The following CELSR3 variants were observed in gnomAD, a reference collection of about 807,000 sequenced individuals.
The protein encoded by CELSR3 is EGF-like protein 1.
CELSR3 carries 73 observed loss-of-function variants against 270.0 expected under a neutral mutation model. The observed-to-expected ratio is 0.27, with a 90% CI of 0.22 to 0.33. The LOEUF (loss-of-function observed/expected upper bound fraction) is 0.33. Among genes scored for constraint, CELSR3 ranks in the 10% least tolerant of loss-of-function variants. The pLI is 1.00. For synonymous variants in CELSR3, 1,780 were observed against 1,905.4 expected (o/e 0.93, Z 1.71); for missense variants, 3,614 against 4,533.8 (o/e 0.80, Z 5.83).
chr3:48,657,082 C>G lies in CELSR3; in HGVS notation c.4015G>C (p.Gly1339Arg). 2 of 1,613,858 alleles carry G rather than the reference C, an allele frequency of 1.2e-6. No homozygotes were observed. The highest frequency in any genetic ancestry group is 1.1e-5 in the South Asian group (1 of 91,086). The change falls in exon 2 of 35, where the codon GGG (glycine) becomes CGG (arginine). Residue 1339 changes from glycine to arginine, a missense_variant. Transcript: ENST00000164024. The surrounding 1 kb of genome is among the most constrained non-coding windows in gnomAD (Gnocchi z 5.4). ...SFSALAPRGA[G>R]AGAAGPWFSS... ...AACCAGGGCCCTGCAGCGCCCGCCCCGGCCCCACGTGGAGCTAGCGCCGAG... is the reference window on the plus strand; with the variant it reads ...AACCAGGGCCCTGCAGCGCCCGCCCGGGCCCCACGTGGAGCTAGCGCCGAG...
Position 48,653,892 on chromosome 3 carries a change from T to C in CELSR3, c.5264A>G (p.Lys1755Arg). Reference protein sequence around the residue: ...SCDCPVGFGGKDCQLTMAHPH... With the variant: ...SCDCPVGFGGRDCQLTMAHPH... ...TGCCCACTTACTAAGCTGACAGTCTTTGCCGCCGAAGCCCACAGGGCAGTC... is the reference window on the plus strand; with the variant it reads ...TGCCCACTTACTAAGCTGACAGTCTCTGCCGCCGAAGCCCACAGGGCAGTC... The change falls in exon 8 of 35, where the codon AAA becomes AGA. Residue 1755 changes from lysine to arginine, a missense_variant. Lys to Arg is a conservative substitution (Grantham distance 26). This residue lies in a region of CELSR3 where 1,331 missense variants were observed against 1,933.7 expected (regional missense o/e 0.69). Coordinates refer to ENST00000164024, the MANE Select transcript of CELSR3 (RefSeq NM_001407.3). The surrounding 1 kb of genome is among the most constrained non-coding windows in gnomAD (Gnocchi z 6.5). The C allele has an allele frequency of 6.2e-7, 1 of 1,613,734 alleles. No homozygotes were observed. Among genetic ancestry groups the C allele is most frequent in the Non-Finnish European group, 8.5e-7 (1 of 1,179,860 alleles).
rs1274337499 is a variant in CELSR3, at chr3:48,659,140, G to A, written c.3495C>T (p.Asn1165=). 8 of 1,614,240 alleles carry A rather than the reference G, an allele frequency of 5.0e-6. No individual in the cohort carries two copies. The highest frequency in any genetic ancestry group is 6.8e-6 in the Non-Finnish European group (8 of 1,180,040). The part of the protein sequence containing the change: ...VHVRLVDQND[N]SPVLNNFQIL... ...TCTGGAAGTTGTTGAGCACAGGGCTGTTGTCATTCTGGTCAACCAGGCGGA... is the reference window on the plus strand; with the variant it reads ...TCTGGAAGTTGTTGAGCACAGGGCTATTGTCATTCTGGTCAACCAGGCGGA... Residue 1165 remains asparagine, a synonymous_variant, in exon 1 of 35, where the codon AAC becomes AAT. Coordinates refer to ENST00000164024, the MANE Select transcript of CELSR3 (RefSeq NM_001407.3). This position sits in a 1 kb window ranked among gnomAD's most constrained non-coding sequence, Gnocchi z 8.1.
chr3:48,647,708 T>G (rs955076660), intron 20 of CELSR3, 133 bp downstream of exon 20: 75 of 582,572 alleles, frequency 1.3e-4, no homozygotes, highest in African/African-American at 5.1e-4. Flanking sequence ...GGAGGGAGGG[T>G]GGAGGGGAGA....
chr3:48,645,379 G>A lies in CELSR3; in HGVS notation c.7797+64C>T. 4 of 1,596,346 alleles carry A rather than the reference G, an allele frequency of 2.5e-6. No individual in the cohort carries two copies. Among genetic ancestry groups the A allele is most frequent in the Non-Finnish European group, 3.4e-6 (4 of 1,165,726 alleles). ...TCCCTGACCTCTGACCCTGAGTTTT[G>A]GCCCCAGGCCTCCTGGGCCAGTAGG... On this transcript the variant is annotated intron_variant, in intron 24 of 34. Coordinates refer to ENST00000164024, the MANE Select transcript of CELSR3 (RefSeq NM_001407.3). This position sits in a 1 kb window ranked among gnomAD's most constrained non-coding sequence, Gnocchi z 5.4.
chr3:48,640,303 A>G lies in CELSR3; in HGVS notation c.9282T>C (p.Arg3094=). ...CCTGGGACCCTGGCCGGCTCAGGGGACGTAGAACAGGGGCAGGGGCTTCCT... is the reference window on the plus strand; with the variant it reads ...CCTGGGACCCTGGCCGGCTCAGGGGGCGTAGAACAGGGGCAGGGGCTTCCT... ...RLEEAPAPVL[R]PLSRPGSQEC... The change falls in exon 34 of 35, where the codon CGT becomes CGC. Residue 3094 remains arginine, a synonymous_variant. Coordinates refer to ENST00000164024, the MANE Select transcript of CELSR3 (RefSeq NM_001407.3). The surrounding 1 kb of genome is among the most constrained non-coding windows in gnomAD (Gnocchi z 7.5). 6.2e-7 allele frequency: 1 copy of G among 1,612,800 alleles called. No homozygotes were observed. Among genetic ancestry groups the G allele is most frequent in the East Asian group, 2.2e-5 (1 of 44,882 alleles).
chr3:48,652,551 G>A lies in CELSR3; in HGVS notation c.5637C>T (p.Asp1879=). The stretch of plus-strand genomic sequence containing the variant: ...GCAGCTCACTCCCCACCGCCATGGT[G>A]TCCTGGAGGAAGTGGGGCAGTCAGC... ...MVSLDFSLFQ[D]TMAVGSELQG... is the part of the protein sequence containing the mutation. Residue 1879 remains aspartate, a splice_region_variant and synonymous_variant, in exon 11 of 35, where the codon GAC becomes GAT. Transcript: ENST00000164024. The surrounding 1 kb of genome is among the most constrained non-coding windows in gnomAD (Gnocchi z 4.3). 1.2e-6 allele frequency: 2 copies of A among 1,606,320 alleles called. No homozygotes were observed. Among genetic ancestry groups the A allele is most frequent in the Non-Finnish European group, 1.7e-6 (2 of 1,176,016 alleles).
chr3:48,648,071 G>T, intron 19 of CELSR3, 75 bp from the exon 20 acceptor site: 1 of 1,552,504 alleles, frequency 6.4e-7, no homozygotes, highest in Non-Finnish European at 8.8e-7. Flanking sequence ...CCTCTTACTC[G>T]CATCCCGCAC....
chr3:48,648,230 C>A (rs1448880053), intron 19 of CELSR3, 36 bp downstream of exon 19: 2 of 1,565,116 alleles, frequency 1.3e-6, no homozygotes, highest in South Asian at 2.2e-5. Context: ...TCATGGCCCC[C>A]CTGCTGTGCC....
At position 48,652,974 on chromosome 3, in the gene CELSR3, C is replaced by A. The variant is rs1328629826; in HGVS notation, c.5634+28G>T. 3 of 1,602,894 alleles carry A rather than the reference C, an allele frequency of 1.9e-6. No homozygotes were observed. Among genetic ancestry groups the A allele is most frequent in the Non-Finnish European group, 1.7e-6 (2 of 1,172,278 alleles). The stretch of plus-strand genomic sequence containing the variant: ...GCGGATCTGGTTGGAAGGCTGAGAA[C>A]AGACTACCCCGGGGTCAGAGGCCAG... On this transcript the variant is annotated intron_variant, in intron 10 of 34. Transcript: ENST00000164024. The surrounding 1 kb of genome is among the most constrained non-coding windows in gnomAD (Gnocchi z 4.3).
rs1185153692 is a variant in CELSR3, at chr3:48,651,631, T to C, written c.6011A>G (p.His2004Arg). The C allele has an allele frequency of 6.3e-7, 1 of 1,591,836 alleles. No individual in the cohort carries two copies. Among genetic ancestry groups the C allele is most frequent in the Non-Finnish European group, 8.6e-7 (1 of 1,168,722 alleles). ...GSCRHLPGAP[H>R]GYTCDCVGGY... ...ACCCACACAGTCACAGGTATAGCCA[T>C]GGGGGGCTCCTGGCAGGTGCCGGCA... The change falls in exon 13 of 35, where the codon CAT becomes CGT. Residue 2004 changes from histidine (H) to arginine (R), a missense_variant. Transcript: ENST00000164024. The surrounding 1 kb of genome is among the most constrained non-coding windows in gnomAD (Gnocchi z 7.4).
In CELSR3 at chr3:48,642,772, T is replaced by G. The variant is rs1346362025; in HGVS notation, c.8519A>C (p.Gln2840Pro). Residue 2840 changes from glutamine (Q) to proline (P), a missense_variant, in exon 30 of 35, where the codon CAG becomes CCG. Coordinates refer to ENST00000164024, the MANE Select transcript of CELSR3 (RefSeq NM_001407.3). This position sits in a 1 kb window ranked among gnomAD's most constrained non-coding sequence, Gnocchi z 6.1. ...SVSSARSGRT[Q>P]DQDSQRGRSY... is the part of the protein sequence containing the mutation. ...GCGGCCCCGCTGGCTGTCCTGGTCC[T>G]GGGTCCGGCCGGAGCGGGCACTGCT... The G allele has an allele frequency of 6.2e-7, 1 of 1,612,424 alleles. No individual in the cohort carries two copies.
In CELSR3 at chr3:48,650,777, G is replaced by A; in HGVS notation, c.6370+115C>T. On this transcript the variant is annotated intron_variant, in intron 15 of 34. Coordinates refer to ENST00000164024, the MANE Select transcript of CELSR3 (RefSeq NM_001407.3). This position sits in a 1 kb window ranked among gnomAD's most constrained non-coding sequence, Gnocchi z 5.1. ...AGGTAGGGTTCCCTGGGTGTAAGTG[G>A]TCTCCCTCAGGAGAAGCTTCCAGAG... is the stretch of plus-strand genomic sequence containing the variant. 1.6e-6 allele frequency: 2 copies of A among 1,229,526 alleles called. No homozygotes were observed. Among genetic ancestry groups the A allele is most frequent in the Non-Finnish European group, 2.3e-6 (2 of 884,900 alleles). 76.2% of individuals were successfully genotyped at this position (1,229,526 alleles called of 1,614,324 possible).
In CELSR3 at chr3:48,659,929, G is replaced by A; in HGVS notation, c.2706C>T (p.Pro902=). 2 of 1,614,196 alleles carry A rather than the reference G, an allele frequency of 1.2e-6. No individual in the cohort carries two copies. Among genetic ancestry groups the A allele is most frequent in the Non-Finnish European group, 1.7e-6 (2 of 1,180,032 alleles). The change falls in exon 1 of 35, where the codon CCC becomes CCT. Residue 902 remains proline, a synonymous_variant. Transcript: ENST00000164024. The surrounding 1 kb of genome is among the most constrained non-coding windows in gnomAD (Gnocchi z 8.1). ...CTGAGTCTGCATCAATGCGGAACTG[G>A]GGCAGGTTGTCCTCCAGGAGATAGG... is the stretch of plus-strand genomic sequence containing the variant. ...RITYLLEDNL[P]QFRIDADSGA... is the part of the protein sequence containing the mutation.
Position 48,646,701 on chromosome 3 carries a change from CA to C in CELSR3, c.7295+61del, listed in dbSNP as rs2047087593. The C allele has an allele frequency of 2.6e-6, 4 of 1,545,066 alleles. No homozygotes were observed. The highest frequency in any genetic ancestry group is 2.6e-6 in the Non-Finnish European group (3 of 1,144,756). On this transcript the variant is annotated intron_variant, in intron 21 of 34. Coordinates refer to ENST00000164024, the MANE Select transcript of CELSR3 (RefSeq NM_001407.3). This position sits in a 1 kb window ranked among gnomAD's most constrained non-coding sequence, Gnocchi z 4.8. The stretch of plus-strand genomic sequence containing the variant: ...GTTGTGAACCTACGCATCTACCCAC[CA>C]AAAAAGGGGCTGCCAGGCTGAGAAG...
Position 48,644,652 on chromosome 3 carries a change from A to C in CELSR3, c.8085+64T>G. ...CACCTGACCGCCCTCAGCTGAGTCC[A>C]CTGCACCTCCTCCCCCAATGAGGGA... On this transcript the variant is annotated intron_variant, in intron 26 of 34. Transcript: ENST00000164024. This position sits in a 1 kb window ranked among gnomAD's most constrained non-coding sequence, Gnocchi z 4.8. The C allele has an allele frequency of 7.4e-7, 1 of 1,349,016 alleles. No homozygotes were observed. Among genetic ancestry groups the C allele is most frequent in the Non-Finnish European group, 1.1e-6 (1 of 947,988 alleles). The allele number at this position is 1,349,016 out of a possible 1,614,324, so 83.6% of individuals were successfully genotyped here. A position where few individuals can be genotyped will look rare whatever the true frequency, so the allele number is the denominator to read the frequency against.
At position 48,652,108 on chromosome 3, in the gene CELSR3, T is replaced by C; in HGVS notation, c.5752-60A>G. The C allele has an allele frequency of 6.9e-7, 1 of 1,441,864 alleles. No homozygotes were observed. The highest frequency in any genetic ancestry group is 2.5e-5 in the East Asian group (1 of 39,882). 89.3% of individuals were successfully genotyped at this position (1,441,864 alleles called of 1,614,324 possible). Reference sequence around the variant, plus strand: ...GTTAAGGCACCTCAGCCTCAAGTACTGCAGAGCCAGCCACCCGGTCTGATG... The same window carrying C: ...GTTAAGGCACCTCAGCCTCAAGTACCGCAGAGCCAGCCACCCGGTCTGATG... On this transcript the variant is annotated intron_variant, in intron 11 of 34. Coordinates refer to ENST00000164024, the MANE Select transcript of CELSR3 (RefSeq NM_001407.3). The surrounding 1 kb of genome is among the most constrained non-coding windows in gnomAD (Gnocchi z 4.3).
chr3:48,644,329 G>A lies in CELSR3; in HGVS notation c.8086-34C>T. The A allele has an allele frequency of 6.3e-7, 1 of 1,594,590 alleles. No homozygotes were observed. The highest frequency in any genetic ancestry group is 8.6e-7 in the Non-Finnish European group (1 of 1,163,296). On this transcript the variant is annotated intron_variant, in intron 26 of 34. Transcript: ENST00000164024. The surrounding 1 kb of genome is among the most constrained non-coding windows in gnomAD (Gnocchi z 4.8). Reference sequence around the variant, plus strand: ...ACGGCCAGACATGTGGGGCCGGGCAGGGCAGAGAGAGAGAGAGAGAGAGAG... The same window carrying A: ...ACGGCCAGACATGTGGGGCCGGGCAAGGCAGAGAGAGAGAGAGAGAGAGAG...
At position 48,656,285 on chromosome 3, in the gene CELSR3, G is replaced by C; in HGVS notation, c.4480C>G (p.Pro1494Ala). The change falls in exon 3 of 35, where the codon CCC (proline) becomes GCC (alanine). Residue 1494 changes from proline to alanine, a missense_variant. This residue lies in a region of CELSR3 where 1,331 missense variants were observed against 1,933.7 expected (regional missense o/e 0.69). Coordinates refer to ENST00000164024, the MANE Select transcript of CELSR3 (RefSeq NM_001407.3). Reference protein sequence around the residue: ...CRNGGTCTDAPNGGFRCQCPA... With the variant: ...CRNGGTCTDAANGGFRCQCPA... ...CACTGGCAGCGAAAGCCGCCGTTGG[G>C]CGCGTCGGTGCAGGTGCCCCCGTTG... 2.0e-6 allele frequency: 3 copies of C among 1,532,254 alleles called. No homozygotes were observed. The highest frequency in any genetic ancestry group is 2.6e-6 in the Non-Finnish European group (3 of 1,145,292). The allele number at this position is 1,532,254 out of a possible 1,614,324, so 94.9% of individuals were successfully genotyped here.
Position 48,641,084 on chromosome 3 carries a change from G to T in CELSR3, c.9025+240C>A. 1.8e-6 allele frequency: 1 copy of T among 553,996 alleles called. No homozygotes were observed. Among genetic ancestry groups the T allele is most frequent in the Non-Finnish European group, 3.2e-6 (1 of 312,088 alleles). The allele number at this position is 553,996 out of a possible 1,614,324, so 34.3% of individuals were successfully genotyped here. ...GTCTCTGAAAAACAGATGGGCTGGG[G>T]CAGGAGTGGTCGCCTGTGGTCCCCC... On this transcript the variant is annotated intron_variant, in intron 33 of 34. Coordinates refer to ENST00000164024, the MANE Select transcript of CELSR3 (RefSeq NM_001407.3). The surrounding 1 kb of genome is among the most constrained non-coding windows in gnomAD (Gnocchi z 4.8).
Sources: gnomAD v4.1 joint callset for allele counts on GRCh38, gnomAD v4.1.1 for gene constraint, gnomAD v4.1.1 regional missense constraint, Gnocchi (gnomAD v3.1) non-coding constraint, MANE v1.5 for transcripts, NCBI Gene and HGNC (gene_info 2026-07-23, HGNC 2026-07-21) for gene names.